GRID2: variants seen among roughly 807,000 people sequenced by gnomAD.
GRID2 encodes the protein glutamate ionotropic receptor delta type subunit 2.
Under a neutral mutation model 114.8 loss-of-function variants are expected in GRID2, and 33 were observed. The ratio of observed to expected loss-of-function variants is 0.29; its 90% confidence interval spans 0.22 to 0.38. The LOEUF (loss-of-function observed/expected upper bound fraction) is 0.38. Among genes scored for constraint, GRID2 ranks in the 10% least tolerant of loss-of-function variants. The pLI is 1.00. For synonymous variants in GRID2, 505 were observed against 449.9 expected (o/e 1.12, Z -1.55); for missense variants, 1,184 against 1,257.7 (o/e 0.94, Z 0.89).
chr4:93,726,253 A>G (rs1010765198), intron 14 of GRID2, among the ~76,000 whole-genome samples: 1 of 152,112 alleles, frequency 6.6e-6, no homozygotes, highest in East Asian at 1.9e-4. Context: ...TCCTTCCCCC[A>G]TTGGTTGTTT....
At chr4:93,161,706 G>A (rs1737698753) in intron 4 of GRID2, among the ~76,000 whole-genome samples, 1 of 151,644 alleles carries the variant, frequency 6.6e-6, no homozygotes, top group Admixed American at 6.6e-5. Context: ...GTTTTTATGT[G>A]ACTGAAACTA....
intron 4 of GRID2, among the ~76,000 whole-genome samples, chr4:93,190,691 A>T (rs1339039676): frequency 6.6e-6 from 1 of 152,050 alleles, no homozygotes; most frequent in East Asian, 1.9e-4. Flanking sequence ...GAAAATACAC[A>T]ATTTAGCAAT....
intron 4 of GRID2, among the ~76,000 whole-genome samples, chr4:93,196,538 G>A (rs1000056225): frequency 5.9e-5 from 9 of 152,192 alleles, no homozygotes; most frequent in Non-Finnish European, 1.0e-4. Context: ...AAAAGTCCAA[G>A]GATAACAGAA....
chr4:92,692,256 G>A (rs1004029566), intron 2 of GRID2, among the ~76,000 whole-genome samples: 1 of 152,028 alleles, frequency 6.6e-6, no homozygotes, highest in African/African-American at 2.4e-5. Context: ...ATTTTGTTGG[G>A]CTTTGGAATA....
chr4:92,697,321 A>G (rs556141047), intron 2 of GRID2, among the ~76,000 whole-genome samples: 2 of 152,280 alleles, frequency 1.3e-5, no homozygotes, highest in South Asian at 2.1e-4. Context: ...TGATACCTTC[A>G]TACAAGCAAA....
chr4:93,660,285 G>A (rs1723373157), intron 14 of GRID2, among the ~76,000 whole-genome samples: 1 of 152,020 alleles, frequency 6.6e-6, no homozygotes, highest in African/African-American at 2.4e-5. Flanking sequence ...ATTTTAAAGT[G>A]AAACCACATT....
intron 1 of GRID2, among the ~76,000 whole-genome samples, chr4:92,458,530 G>A (rs978363762): frequency 2.0e-5 from 3 of 152,016 alleles, no homozygotes; most frequent in African/African-American, 2.4e-5. Flanking sequence ...ACCATTTTTT[G>A]TGTTTGTTTT....
chr4:93,005,682 C>A (rs989014686), intron 2 of GRID2, among the ~76,000 whole-genome samples: 1 of 151,944 alleles, frequency 6.6e-6, no homozygotes, highest in Non-Finnish European at 1.5e-5. Context: ...ATTAAAAAGT[C>A]ATAGTATATA....
intron 4 of GRID2, among the ~76,000 whole-genome samples, chr4:93,151,450 T>G (rs575050968): frequency 6.6e-6 from 1 of 152,126 alleles, no homozygotes; most frequent in African/African-American, 2.4e-5. Context: ...GGCTCAAACT[T>G]CAAACCAGCA....
chr4:92,448,108 G>A (rs1220087335), intron 1 of GRID2, among the ~76,000 whole-genome samples: 3 of 151,870 alleles, frequency 2.0e-5, no homozygotes, highest in Non-Finnish European at 2.9e-5. Flanking sequence ...CTTTTCTGTA[G>A]AGTAGTAGTA....
rs147382229 is a variant in GRID2, at chr4:93,408,149, T to G, written c.1347+12441T>G. Among the ~76,000 whole-genome samples the G allele has an allele frequency of 1.4e-4, 21 of 152,262 alleles. No individual in the cohort carries two copies. In the East Asian group the frequency reaches 4.1e-3, roughly 30 times the overall value. ...GATTAGCATTTGAAAGCAAGGTCTT[T>G]CACTGTTTTAAAAGTGAAGGAGAAT... On this transcript the variant is annotated intron_variant, in intron 9 of 15. Coordinates refer to ENST00000282020, the MANE Select transcript of GRID2 (RefSeq NM_001510.4).
intron 2 of GRID2, among the ~76,000 whole-genome samples, chr4:92,762,744 A>G (rs1738079802): frequency 6.6e-6 from 1 of 152,218 alleles, no homozygotes; most frequent in Non-Finnish European, 1.5e-5. Context: ...AAAGGAATAG[A>G]CAGGAAGAGG....
At chr4:93,752,532 G>A (rs1028263747) in intron 14 of GRID2, among the ~76,000 whole-genome samples, 3 of 151,920 alleles carry the variant, frequency 2.0e-5, no homozygotes, top group Admixed American at 2.0e-4. Context: ...CACCACGCCC[G>A]GCTAATATTT....
chr4:93,589,479 T>C (rs1208469579), intron 13 of GRID2, among the ~76,000 whole-genome samples: 2 of 152,056 alleles, frequency 1.3e-5, no homozygotes. Flanking sequence ...TGGTTCCAAG[T>C]CTTTGCTATT....
chr4:93,064,473 GA>G (rs1228100638), intron 2 of GRID2, among the ~76,000 whole-genome samples: 1 of 151,786 alleles, frequency 6.6e-6, no homozygotes, highest in Non-Finnish European at 1.5e-5. Context: ...CTAAATTCAA[GA>G]GCTTCTACCA....
intron 4 of GRID2, among the ~76,000 whole-genome samples, chr4:93,143,017 T>C (rs1048357093): frequency 1.1e-4 from 17 of 152,282 alleles, no homozygotes; most frequent in Middle Eastern, 3.4e-3. Context: ...TGCAACACAG[T>C]TGAGAAATCT....
intron 1 of GRID2, among the ~76,000 whole-genome samples, chr4:92,328,577 C>T (rs1023885630): frequency 6.6e-6 from 1 of 151,980 alleles, no homozygotes; most frequent in Non-Finnish European, 1.5e-5. Flanking sequence ...TCTAAATTTA[C>T]TATAGCATTA....
At chr4:93,453,607 C>A (rs1255399388) in intron 10 of GRID2, among the ~76,000 whole-genome samples, 1 of 151,946 alleles carries the variant, frequency 6.6e-6, no homozygotes, top group Non-Finnish European at 1.5e-5. Flanking sequence ...AAATTCACTT[C>A]GTGATATTTA....
At chr4:93,294,720 A>G (rs56312747) in intron 8 of GRID2, among the ~76,000 whole-genome samples, 8,332 of 151,948 alleles carry the variant, frequency 0.055, 486 homozygotes, top group African/African-American at 0.15. Flanking sequence ...CACCATGCCC[A>G]GGTAAATTTT....
Sources: gnomAD v4.1 joint callset for allele counts (sites outside exome capture counted in the v4.1 genomes callset) on GRCh38, gnomAD v4.1.1 for gene constraint, MANE v1.5 for transcripts, NCBI Gene and HGNC (gene_info 2026-07-23, HGNC 2026-07-21) for gene names.